Variants in PCDH15 observed in about 807,000 individuals in gnomAD.
PCDH15 encodes the protein protocadherin related 15, also known as protocadherin-15.
A neutral mutation model predicts 178.5 loss-of-function variants in PCDH15; 129 were observed. That is an observed-to-expected ratio of 0.72 (90% confidence interval 0.63 to 0.84). The LOEUF is 0.84. Ranked by LOEUF, PCDH15 falls within the 40% of genes least tolerant of loss-of-function variation. The pLI is 0.00. For synonymous variants in PCDH15, 800 were observed against 732.0 expected (o/e 1.09, Z -1.50); for missense variants, 2,230 against 2,099.9 (o/e 1.06, Z -1.21).
rs140976930 is a variant in PCDH15 at position 54,185,806 on chromosome 10, T to A, written c.1306-538A>T. ...CTATAAATATCATGCTTACTCTTTC[T>A]TATTTTAATGCTGTAAAATTTTCCA... is the stretch of plus-strand genomic sequence containing the variant. On this transcript the variant is annotated intron_variant, in intron 11 of 37. Coordinates refer to ENST00000644397, the MANE Select transcript of PCDH15 (RefSeq NM_001384140.1). Among the ~76,000 whole-genome samples the A allele has an allele frequency of 1.0e-3, 152 of 152,200 alleles. 2 individuals are homozygous for A. Among genetic ancestry groups the A allele is most frequent in the Admixed American group, 9.2e-3 (140 of 15,270 alleles).
At chr10:55,416,621 C>T (rs997175441) in intron 2 of PCDH15, among the ~76,000 whole-genome samples, 3 of 151,538 alleles carry the variant, frequency 2.0e-5, no homozygotes, top group African/African-American at 7.3e-5. Flanking sequence ...ATAAAGTTGG[C>T]AGGAAAAGCT....
intron 2 of PCDH15, among the ~76,000 whole-genome samples, chr10:55,464,604 C>T (rs1839787952): frequency 7.0e-6 from 1 of 143,240 alleles, no homozygotes; most frequent in African/African-American, 2.5e-5. Context: ...TAAAAATGGC[C>T]TAAAACAGTA....
chr10:55,102,130 C>T (rs1229868555), intron 2 of PCDH15, among the ~76,000 whole-genome samples: 2 of 151,866 alleles, frequency 1.3e-5, no homozygotes, highest in Non-Finnish European at 2.9e-5. Context: ...CATACTTAAA[C>T]TCATATATTT....
intron 3 of PCDH15, among the ~76,000 whole-genome samples, chr10:54,439,587 G>A (rs767582900): frequency 6.6e-6 from 1 of 150,920 alleles, no homozygotes; most frequent in Non-Finnish European, 1.5e-5. Context: ...TCATTTGGAA[G>A]CAGTGGGGAA....
intron 2 of PCDH15, among the ~76,000 whole-genome samples, chr10:55,433,912 C>T (rs1838956306): frequency 6.6e-6 from 1 of 151,846 alleles, no homozygotes; most frequent in African/African-American, 2.4e-5. Context: ...AAGTAGTGCC[C>T]TATCTGTTGT....
At chr10:54,022,474 A>G (rs1394591888) in intron 19 of PCDH15, among the ~76,000 whole-genome samples, 2 of 151,788 alleles carry the variant, frequency 1.3e-5, no homozygotes, top group Non-Finnish European at 2.9e-5. Flanking sequence ...ATATATATAT[A>G]TGTATTTTTT....
Position 53,806,672 on chromosome 10 carries a change from A to C in PCDH15, c.5130T>G (p.Ala1710=). The C allele has an allele frequency of 6.2e-7, 1 of 1,613,872 alleles. No homozygotes were observed. Among genetic ancestry groups the C allele is most frequent in the Non-Finnish European group, 8.5e-7 (1 of 1,179,812 alleles). The change falls in exon 38 of 38, where the codon GCT becomes GCG. Residue 1710 remains alanine, a synonymous_variant. Transcript: ENST00000644397. ...GTGTGTGGTCACTATGAAATTCCAA[A>C]GCCTCCTTGATGTTCTTACTGTCAA... ...SMIDSKNIKE[A]LEFHSDHTQS...
chr10:54,170,585 G>A lies in PCDH15; in HGVS notation c.1590+12859C>T, dbSNP rs560313964. On this transcript the variant is annotated intron_variant, in intron 13 of 37. Transcript: ENST00000644397. ...CTTTGTTGAGTCTCCCACAATTACC[G>A]TCGTTCTTGACCCAGACTTCAATCC... 2.3e-3 allele frequency among the ~76,000 whole-genome samples: 351 copies of A among 150,440 alleles called. 1 individual carries two copies. Among genetic ancestry groups the A allele is most frequent in the African/African-American group, 5.1e-3 (203 of 40,012 alleles).
chr10:55,059,457 T>A (rs2131997299), intron 2 of PCDH15, among the ~76,000 whole-genome samples: 1 of 152,302 alleles, frequency 6.6e-6, no homozygotes, highest in African/African-American at 2.4e-5. Context: ...ATTATTTGAA[T>A]TTTAATCCAT....
chr10:54,817,750 A>T (rs1410544246), intron 3 of PCDH15, among the ~76,000 whole-genome samples: 3 of 152,024 alleles, frequency 2.0e-5, no homozygotes, highest in Admixed American at 2.0e-4. Flanking sequence ...CATGTTCATT[A>T]TTTCTTTTCA....
chr10:54,997,645 A>G (rs1016975288), intron 2 of PCDH15, among the ~76,000 whole-genome samples: 3 of 152,190 alleles, frequency 2.0e-5, no homozygotes, highest in Non-Finnish European at 2.9e-5. Context: ...AAAACAGCTA[A>G]ATCTTCGGAA....
intron 2 of PCDH15, among the ~76,000 whole-genome samples, chr10:55,013,103 C>T (rs991719705): frequency 3.3e-5 from 5 of 152,128 alleles, no homozygotes; most frequent in African/African-American, 1.2e-4. Flanking sequence ...TGATAACTTC[C>T]ACTTCTGTAT....
chr10:54,159,055 G>A (rs1452627973), intron 13 of PCDH15, among the ~76,000 whole-genome samples: 2 of 151,174 alleles, frequency 1.3e-5, no homozygotes, highest in East Asian at 2.0e-4. Flanking sequence ...CTTGCAGTGA[G>A]CCGAGATTGT....
intron 1 of PCDH15, among the ~76,000 whole-genome samples, chr10:55,306,565 C>CT (rs1843431905): frequency 6.6e-6 from 1 of 152,102 alleles, no homozygotes; most frequent in African/African-American, 2.4e-5. Flanking sequence ...CTGCAGAGTT[C>CT]TGAGTATTCT....
intron 3 of PCDH15, among the ~76,000 whole-genome samples, chr10:54,485,613 A>G (rs934080585): frequency 2.0e-5 from 3 of 152,012 alleles, no homozygotes; most frequent in African/African-American, 7.2e-5. Flanking sequence ...CTAGACTTCA[A>G]CTGTGATATA....
rs1001092264 is a variant in PCDH15 at position 54,450,455 on chromosome 10, T to A, written c.158-71513A>T. 2.0e-5 allele frequency among the ~76,000 whole-genome samples: 3 copies of A among 151,708 alleles called. No homozygotes were observed. The East Asian group carries it at 5.8e-4, about 29-fold the overall frequency. The stretch of plus-strand genomic sequence containing the variant: ...TTATTTATATTCCAAATACGGTTTG[T>A]CATTTAGCTCAACTTTTTATTTTGC... On this transcript the variant is annotated intron_variant, in intron 3 of 37. Coordinates refer to ENST00000644397, the MANE Select transcript of PCDH15 (RefSeq NM_001384140.1).
chr10:54,161,899 C>T (rs907041572), intron 13 of PCDH15, among the ~76,000 whole-genome samples: 1 of 152,114 alleles, frequency 6.6e-6, no homozygotes, highest in African/African-American at 2.4e-5. Flanking sequence ...TCCTCAGCTG[C>T]AGCACCTGAT....
chr10:54,515,789 A>C (rs745996723), intron 3 of PCDH15, among the ~76,000 whole-genome samples: 1 of 152,220 alleles, frequency 6.6e-6, no homozygotes, highest in Non-Finnish European at 1.5e-5. Flanking sequence ...AAACTTCCAG[A>C]GGACCCATCA....
At chr10:55,432,265 CTG>C (rs979677372) in intron 2 of PCDH15, among the ~76,000 whole-genome samples, 18 of 152,270 alleles carry the variant, frequency 1.2e-4, no homozygotes, top group African/African-American at 4.3e-4. Context: ...TCAGAACAAT[CTG>C]TGTTTGAAAA....
Sources: allele counts gnomAD v4.1 joint callset (sites outside exome capture counted in the v4.1 genomes callset), GRCh38; gene constraint gnomAD v4.1.1; transcripts MANE v1.5; gene names NCBI Gene and HGNC (gene_info 2026-07-23, HGNC 2026-07-21).